TRPM3: variants seen among roughly 807,000 people sequenced by gnomAD.
TRPM3 encodes the protein long transient receptor potential channel 3.
TRPM3 carries 77 observed loss-of-function variants against 181.2 expected under a neutral mutation model. That is an observed-to-expected ratio of 0.42 (90% CI 0.35 to 0.51). The LOEUF (loss-of-function observed/expected upper bound fraction) is 0.51. TRPM3 is among the 20% of genes least tolerant of loss of function. The pLI, the probability that TRPM3 is intolerant of heterozygous loss-of-function variation, is 0.01. For synonymous variants in TRPM3, 745 were observed against 796.4 expected (o/e 0.94, Z 1.09); for missense variants, 1,759 against 2,196.7 (o/e 0.80, Z 3.98).
chr9:71,126,746 C>T (rs762573269), intron 1 of TRPM3, among the ~76,000 whole-genome samples: 2 of 152,150 alleles, frequency 1.3e-5, no homozygotes, highest in African/African-American at 2.4e-5. Context: ...CAATTGTTAT[C>T]TATTCATTTT....
rs749397001 is a variant in TRPM3, at chr9:70,603,431, C to T, written c.2707G>A (p.Val903Met). 6.2e-6 allele frequency: 10 copies of T among 1,613,934 alleles called. No homozygotes were observed. Among genetic ancestry groups the T allele is most frequent in the East Asian group, 2.2e-5 (1 of 44,884 alleles). Residue 903 changes from valine to methionine, a missense_variant, in exon 20 of 26, where the codon GTG (valine) becomes ATG (methionine). Coordinates refer to ENST00000677713, the MANE Select transcript of TRPM3 (RefSeq NM_001366145.2). Reference protein sequence around the residue: ...IGYLMLFNYIVLVKMERWPST... With the variant: ...IGYLMLFNYIMLVKMERWPST... ...GGCCAGCGTTCCATCTTCACTAACACGATATAGTTGAAGAGCATCAGGTAT... is the reference window on the plus strand; with the variant it reads ...GGCCAGCGTTCCATCTTCACTAACATGATATAGTTGAAGAGCATCAGGTAT...
intron 1 of TRPM3, among the ~76,000 whole-genome samples, chr9:71,147,404 C>CCTCT (rs2075472909): frequency 6.9e-6 from 1 of 144,500 alleles, no homozygotes; most frequent in South Asian, 2.2e-4. Context: ...GAACATCTGC[C>CCTCT]CTCTTGCCTG....
At chr9:71,372,296 C>A (rs112868076) in intron 1 of TRPM3, among the ~76,000 whole-genome samples, 1 of 152,088 alleles carries the variant, frequency 6.6e-6, no homozygotes, top group African/African-American at 2.4e-5. Flanking sequence ...AATGAACATA[C>A]GCATCCATAT....
At chr9:71,044,894 ATC>A (rs545410883) in intron 1 of TRPM3, among the ~76,000 whole-genome samples, 1 of 151,836 alleles carries the variant, frequency 6.6e-6, no homozygotes, top group Non-Finnish European at 1.5e-5. Context: ...GATGATCTCG[ATC>A]TCCTGACCTC....
At chr9:70,790,753 C>T (rs929386448) in intron 6 of TRPM3, among the ~76,000 whole-genome samples, 1 of 152,104 alleles carries the variant, frequency 6.6e-6, no homozygotes, top group Non-Finnish European at 1.5e-5. Context: ...ATCTGATAAT[C>T]GGTTGTGCCT....
At chr9:70,877,693 T>C (rs1257440354) in intron 1 of TRPM3, among the ~76,000 whole-genome samples, 1 of 151,900 alleles carries the variant, frequency 6.6e-6, no homozygotes, top group East Asian at 1.9e-4. Context: ...AACTCTACGT[T>C]TGCAAGAGAT....
chr9:70,625,609 A>G lies in TRPM3; in HGVS notation c.1633-92T>C. ...TATTTATTCAAGTCTTCAGCTGGGG[A>G]GAAAAAAACACCAGTGTAGAAGAAA... On this transcript the variant is annotated intron_variant, in intron 12 of 25. Coordinates refer to ENST00000677713, the MANE Select transcript of TRPM3 (RefSeq NM_001366145.2). This position sits in a 1 kb window ranked among gnomAD's most constrained non-coding sequence, Gnocchi z 4.8. The G allele has an allele frequency of 1.6e-6, 2 of 1,279,688 alleles. No individual in the cohort carries two copies. Among genetic ancestry groups the G allele is most frequent in the Non-Finnish European group, 2.2e-6 (2 of 897,322 alleles). 79.3% of individuals were successfully genotyped at this position (1,279,688 alleles called of 1,614,324 possible).
At chr9:70,651,737 C>T (rs2059618938) in intron 9 of TRPM3, among the ~76,000 whole-genome samples, 1 of 152,182 alleles carries the variant, frequency 6.6e-6, no homozygotes, top group Admixed American at 6.5e-5. Flanking sequence ...CTAGCTTCAC[C>T]TAACATGCAG....
At chr9:71,381,720 G>T (rs887407762) in intron 1 of TRPM3, among the ~76,000 whole-genome samples, 23 of 152,078 alleles carry the variant, frequency 1.5e-4, no homozygotes, top group Admixed American at 7.2e-4. Context: ...ATGAAGATTG[G>T]AATGGGAGTA....
chr9:70,890,354 A>G (rs1446660148), intron 1 of TRPM3, among the ~76,000 whole-genome samples: 1 of 152,022 alleles, frequency 6.6e-6, no homozygotes. Flanking sequence ...TTAGAGACTC[A>G]GTAATAAAGG....
chr9:70,804,870 C>T (rs1019992803), intron 6 of TRPM3, among the ~76,000 whole-genome samples: 1 of 152,152 alleles, frequency 6.6e-6, no homozygotes, highest in African/African-American at 2.4e-5. Context: ...CCTGCAAATG[C>T]AAGCTCCGTA....
chr9:70,830,052 T>C (rs2093795436), intron 5 of TRPM3, among the ~76,000 whole-genome samples: 1 of 152,216 alleles, frequency 6.6e-6, no homozygotes, highest in South Asian at 2.1e-4. Flanking sequence ...TAGCAGTTCC[T>C]GCAAGAGTCC....
intron 6 of TRPM3, chr9:70,827,116 A>G (rs536618627): frequency 6.6e-6 from 1 of 152,390 alleles, no homozygotes; most frequent in Non-Finnish European, 1.5e-5. Context: ...ATCTAAATCC[A>G]TATGTATCTA....
At chr9:71,244,357 G>A (rs1197285598) in intron 1 of TRPM3, among the ~76,000 whole-genome samples, 4 of 152,170 alleles carry the variant, frequency 2.6e-5, no homozygotes, top group African/African-American at 9.7e-5. Flanking sequence ...TCAATAATTT[G>A]AGCCTCAAAT....
chr9:70,763,818 A>C (rs895041310), intron 7 of TRPM3, among the ~76,000 whole-genome samples: 1 of 152,150 alleles, frequency 6.6e-6, no homozygotes, highest in African/African-American at 2.4e-5. Flanking sequence ...GAAGTAAAGA[A>C]ACTTGTGGCA....
At chr9:71,400,813 A>G (rs2093325605) in intron 1 of TRPM3, among the ~76,000 whole-genome samples, 1 of 151,668 alleles carries the variant, frequency 6.6e-6, no homozygotes, top group Non-Finnish European at 1.5e-5. Context: ...CAGAATCCAG[A>G]AATTTTAATG....
chr9:71,179,286 T>A (rs1306909181), intron 1 of TRPM3, among the ~76,000 whole-genome samples: 1 of 151,996 alleles, frequency 6.6e-6, no homozygotes, highest in Admixed American at 6.6e-5. Context: ...CTGGCACCAG[T>A]CGATTATTAA....
At chr9:71,178,646 G>A (rs1190931690) in intron 1 of TRPM3, among the ~76,000 whole-genome samples, 1 of 152,094 alleles carries the variant, frequency 6.6e-6, no homozygotes, top group African/African-American at 2.4e-5. Flanking sequence ...CTAGTAGTTA[G>A]AAGATATTTA....
At chr9:70,869,128 C>T (rs1275862878) in intron 1 of TRPM3, 1 of 894,556 alleles carries the variant, frequency 1.1e-6, no homozygotes, top group African/African-American at 1.8e-5. Context: ...TTGTTCGGCT[C>T]TTCCCCCAAG....
Sources: allele counts gnomAD v4.1 joint callset (sites outside exome capture counted in the v4.1 genomes callset), GRCh38; gene constraint gnomAD v4.1.1; non-coding constraint Gnocchi (gnomAD v3.1); transcripts MANE v1.5; gene names NCBI Gene and HGNC (gene_info 2026-07-23, HGNC 2026-07-21).